MFHAS1: variants seen among roughly 807,000 people sequenced by gnomAD.
MFHAS1 encodes malignant fibrous histiocytoma-amplified sequence 1.
Under a neutral mutation model 70.4 loss-of-function variants are expected in MFHAS1, and 50 were observed. The observed-to-expected ratio is 0.71, with a 90% CI of 0.57 to 0.90. The LOEUF (loss-of-function observed/expected upper bound fraction) is 0.90, where lower values mean the gene tolerates loss of function less well. Ranked by LOEUF, MFHAS1 falls within the 40% of genes least tolerant of loss-of-function variation. The pLI is 0.00. For missense variants in MFHAS1, 1,795 were observed against 1,347.6 expected, an observed-to-expected ratio of 1.33 and a Z score of -5.20; for synonymous variants, 952 against 620.0, an observed-to-expected ratio of 1.54 and a Z score of -7.96.
At chr8:8,888,172 A>G (rs997492459) in intron 1 of MFHAS1, among the ~76,000 whole-genome samples, 1 of 152,260 alleles carries the variant, frequency 6.6e-6, no homozygotes, top group African/African-American at 2.4e-5. Context: ...CCAGATAAAC[A>G]TACAGAATGG....
At position 8,891,288 on chromosome 8, in the gene MFHAS1, G is replaced by A. The variant is rs1261910359; in HGVS notation, c.1771C>T (p.Pro591Ser). ...GAAACGCCATAGTAGGCTGCGTGGG[G>A]GCTGGCAGAGCGCAGCTCGAAGTCC... Reference protein sequence around the residue: ...ARDFELRSASPHAAYYGVSDK... With the variant: ...ARDFELRSASSHAAYYGVSDK... The change falls in exon 1 of 3, where the codon CCC becomes TCC. Residue 591 changes from proline (P) to serine (S), a missense_variant. Transcript: ENST00000276282. The surrounding 1 kb of genome is among the most constrained non-coding windows in gnomAD (Gnocchi z 5.4). The A allele has an allele frequency of 4.3e-6, 7 of 1,611,714 alleles. No individual in the cohort carries two copies. Among genetic ancestry groups the A allele is most frequent in the South Asian group, 1.1e-5 (1 of 91,088 alleles).
chr8:8,836,223 A>G (rs1337328428), intron 1 of MFHAS1, among the ~76,000 whole-genome samples: 1 of 152,156 alleles, frequency 6.6e-6, no homozygotes. Context: ...TCAATTGCAA[A>G]TTTCAGGCAA....
rs748147674 is a variant in MFHAS1 at position 8,890,093 on chromosome 8, T to C, written c.2966A>G (p.Lys989Arg). Residue 989 changes from lysine (K) to arginine (R), a missense_variant, in exon 1 of 3, where the codon AAG (lysine) becomes AGG (arginine). Lys to Arg is a conservative substitution (Grantham distance 26). Coordinates refer to ENST00000276282, the MANE Select transcript of MFHAS1 (RefSeq NM_004225.3). ...TVHILCSKCL[K>R]RGSPNPHAFP... is the part of the protein sequence containing the mutation. ...AGCATGTGGATTGGGCGATCCTCTC[T>C]TAAGGCACTTAGAACAGAGAATGTG... 4 of 1,611,670 alleles carry C rather than the reference T, an allele frequency of 2.5e-6. No homozygotes were observed. The highest frequency in any genetic ancestry group is 2.7e-5 in the African/African-American group (2 of 74,908).
At chr8:8,858,431 C>T (rs1808526284) in intron 1 of MFHAS1, among the ~76,000 whole-genome samples, 1 of 151,874 alleles carries the variant, frequency 6.6e-6, no homozygotes, top group Non-Finnish European at 1.5e-5. Context: ...TATTAAATGG[C>T]CCATCCAGTT....
chr8:8,845,848 T>C (rs765938329), intron 1 of MFHAS1, among the ~76,000 whole-genome samples: 4 of 152,156 alleles, frequency 2.6e-5, no homozygotes, highest in African/African-American at 4.8e-5. Flanking sequence ...GTTCAATAAA[T>C]AGCAACTCCA....
chr8:8,793,835 T>C (rs991619809), intron 2 of MFHAS1, among the ~76,000 whole-genome samples: 8 of 152,344 alleles, frequency 5.3e-5, no homozygotes, highest in East Asian at 3.9e-4. Flanking sequence ...TTCTGTTTTT[T>C]AGTGACTCAT....
At chr8:8,881,553 T>C (rs761954355) in intron 1 of MFHAS1, among the ~76,000 whole-genome samples, 6 of 152,192 alleles carry the variant, frequency 3.9e-5, no homozygotes, top group Non-Finnish European at 8.8e-5. Flanking sequence ...CTATAGAATG[T>C]TGGCTGGGCA....
intron 1 of MFHAS1, among the ~76,000 whole-genome samples, chr8:8,846,468 G>C (rs1437146978): frequency 6.6e-6 from 1 of 151,970 alleles, no homozygotes; most frequent in Non-Finnish European, 1.5e-5. Flanking sequence ...AAAGTCTCCT[G>C]CCTTACCTCC....
intron 1 of MFHAS1, among the ~76,000 whole-genome samples, chr8:8,805,857 C>T (rs1473223966): frequency 6.6e-6 from 1 of 152,138 alleles, no homozygotes; most frequent in Non-Finnish European, 1.5e-5. Flanking sequence ...ACCACCATGA[C>T]TGGCTAATTT....
chr8:8,850,847 G>T (rs1037987119), intron 1 of MFHAS1, among the ~76,000 whole-genome samples: 6 of 145,972 alleles, frequency 4.1e-5, no homozygotes, highest in Non-Finnish European at 6.0e-5. Context: ...AGAACACCCA[G>T]AAAGATCAGG....
intron 1 of MFHAS1, among the ~76,000 whole-genome samples, chr8:8,808,532 G>T (rs1228270671): frequency 6.6e-6 from 1 of 152,160 alleles, no homozygotes; most frequent in Admixed American, 6.5e-5. Context: ...GTAAAAAGCT[G>T]AAAGGTCTTG....
intron 1 of MFHAS1, among the ~76,000 whole-genome samples, chr8:8,827,256 G>A (rs115345733): frequency 0.017 from 2,644 of 152,218 alleles, 87 homozygotes; most frequent in African/African-American, 0.059. Context: ...AAATATCTGC[G>A]TAGTTATTTT....
chr8:8,882,909 T>G (rs1809583237), intron 1 of MFHAS1, among the ~76,000 whole-genome samples: 2 of 152,122 alleles, frequency 1.3e-5, no homozygotes, highest in Non-Finnish European at 2.9e-5. Context: ...TCCCAGCACT[T>G]TGGGAGGCCG....
At chr8:8,788,724 A>G (rs1000797414) in intron 2 of MFHAS1, among the ~76,000 whole-genome samples, 1 of 152,254 alleles carries the variant, frequency 6.6e-6, no homozygotes, top group Admixed American at 6.5e-5. Context: ...GAACAGAGTG[A>G]CTGGTTACAG....
At chr8:8,836,898 G>A (rs1408558270) in intron 1 of MFHAS1, among the ~76,000 whole-genome samples, 3 of 152,122 alleles carry the variant, frequency 2.0e-5, no homozygotes, top group Non-Finnish European at 4.4e-5. Flanking sequence ...CCGCCGCAGT[G>A]ACAGTCATCT....
chr8:8,855,895 T>G (rs1044018565), intron 1 of MFHAS1, among the ~76,000 whole-genome samples: 2 of 152,170 alleles, frequency 1.3e-5, no homozygotes, highest in African/African-American at 4.8e-5. Flanking sequence ...TCTGCCGTTA[T>G]TTTCATCTGA....
At chr8:8,888,517 AACACAC>A (rs113065905) in intron 1 of MFHAS1, among the ~76,000 whole-genome samples, 9 of 150,446 alleles carry the variant, frequency 6.0e-5, no homozygotes, top group Admixed American at 2.0e-4. Context: ...CAAAAAACAA[AACACAC>A]ACACACACAC....
chr8:8,888,220 T>A (rs1012456703), intron 1 of MFHAS1, among the ~76,000 whole-genome samples: 1 of 152,214 alleles, frequency 6.6e-6, no homozygotes, highest in South Asian at 2.1e-4. Flanking sequence ...CGCTGGCTTT[T>A]TTCATGCTTA....
At chr8:8,796,638 G>T (rs550506300) in intron 2 of MFHAS1, among the ~76,000 whole-genome samples, 21 of 126,986 alleles carry the variant, frequency 1.7e-4, no homozygotes, top group Non-Finnish European at 2.1e-4. Flanking sequence ...GAGCCAAGAT[G>T]GCGCCACTGC....
Sources: allele counts gnomAD v4.1 joint callset (sites outside exome capture counted in the v4.1 genomes callset), GRCh38; gene constraint gnomAD v4.1.1; non-coding constraint Gnocchi (gnomAD v3.1); transcripts MANE v1.5; gene names NCBI Gene and HGNC (gene_info 2026-07-23, HGNC 2026-07-21).